The following DPP10 variants were observed in gnomAD, a reference collection of about 807,000 sequenced individuals.
DPP10 encodes the protein dipeptidyl peptidase like 10, also known as inactive dipeptidyl peptidase 10.
DPP10 carries 33 observed loss-of-function variants against 120.9 expected under a neutral mutation model. The ratio of observed to expected loss-of-function variants is 0.27; its 90% confidence interval spans 0.21 to 0.37. The LOEUF (loss-of-function observed/expected upper bound fraction) is 0.37, where lower values mean the gene tolerates loss of function less well. DPP10 is among the 10% of genes least tolerant of loss of function. The pLI is 1.00. For synonymous variants in DPP10, 337 were observed against 326.1 expected (o/e 1.03, Z -0.36); for missense variants, 816 against 942.8 (o/e 0.87, Z 1.76).
chr2:115,557,178 T>A (rs959798196), intron 5 of DPP10, among the ~76,000 whole-genome samples: 1 of 152,174 alleles, frequency 6.6e-6, no homozygotes. Context: ...TCTCTCTCTG[T>A]ACATACTGAA....
intron 1 of DPP10, among the ~76,000 whole-genome samples, chr2:115,206,598 G>T (rs994373019): frequency 7.2e-5 from 11 of 152,162 alleles, no homozygotes; most frequent in Non-Finnish European, 1.5e-4. Context: ...CATCTGAGAA[G>T]ATTTTTATTA....
At chr2:114,599,598 C>T (rs1692202565) in intron 1 of DPP10, among the ~76,000 whole-genome samples, 1 of 151,340 alleles carries the variant, frequency 6.6e-6, no homozygotes, top group Admixed American at 6.6e-5. Flanking sequence ...CTAAGTATAC[C>T]ATATTTTTTT....
chr2:115,645,281 A>G (rs569039540), intron 5 of DPP10, among the ~76,000 whole-genome samples: 6 of 152,306 alleles, frequency 3.9e-5, no homozygotes, highest in Non-Finnish European at 7.4e-5. Flanking sequence ...TCAGTTACCA[A>G]CATTGAATAT....
chr2:115,101,578 T>C (rs1212975434), intron 1 of DPP10, among the ~76,000 whole-genome samples: 1 of 152,190 alleles, frequency 6.6e-6, no homozygotes, highest in Non-Finnish European at 1.5e-5. Context: ...TCCTCACTAG[T>C]TTTCACTGAA....
intron 3 of DPP10, among the ~76,000 whole-genome samples, chr2:115,372,740 C>A (rs2065500397): frequency 6.6e-6 from 1 of 152,174 alleles, no homozygotes; most frequent in South Asian, 2.1e-4. Context: ...AAACACATAA[C>A]CATCACTGAA....
At chr2:114,933,945 A>G (rs1236902510) in intron 1 of DPP10, among the ~76,000 whole-genome samples, 1 of 152,216 alleles carries the variant, frequency 6.6e-6, no homozygotes, top group African/African-American at 2.4e-5. Context: ...AAGGAAATGT[A>G]ACACTGAACT....
chr2:114,632,371 T>C lies in DPP10; in HGVS notation c.60+189533T>C, dbSNP rs1267616410. Among the ~76,000 whole-genome samples, 4 of 152,106 alleles carry C rather than the reference T, an allele frequency of 2.6e-5. No individual in the cohort carries two copies. In the East Asian group the frequency reaches 7.7e-4, roughly 29 times the overall value. ...CTTAATAAATTACAATACTATGGAC[T>C]TGAAAAATGGTAATTTTATAAGTAC... On this transcript the variant is annotated intron_variant, in intron 1 of 25. Coordinates refer to ENST00000410059, the MANE Select transcript of DPP10 (RefSeq NM_020868.6).
intron 2 of DPP10, among the ~76,000 whole-genome samples, chr2:115,317,594 TC>T (rs1046298789): frequency 2.6e-5 from 4 of 152,128 alleles, no homozygotes; most frequent in South Asian, 2.1e-4. Flanking sequence ...ATTCATGTGT[TC>T]CAGTTTCTCC....
At chr2:114,482,534 G>C (rs1681153021) in intron 1 of DPP10, among the ~76,000 whole-genome samples, 1 of 152,120 alleles carries the variant, frequency 6.6e-6, no homozygotes, top group African/African-American at 2.4e-5. Flanking sequence ...GGGTGGTTCT[G>C]ATCTGGACCA....
chr2:115,115,303 T>A (rs2049443971), intron 1 of DPP10, among the ~76,000 whole-genome samples: 1 of 152,164 alleles, frequency 6.6e-6, no homozygotes, highest in East Asian at 1.9e-4. Flanking sequence ...TAGGCTTGCC[T>A]GGGCTTCTGT....
chr2:115,618,341 AG>A (rs2084686436), intron 5 of DPP10, among the ~76,000 whole-genome samples: 1 of 152,214 alleles, frequency 6.6e-6, no homozygotes. Flanking sequence ...TGGTTGCAAA[AG>A]TCATTAAGGC....
intron 1 of DPP10, among the ~76,000 whole-genome samples, chr2:114,664,884 C>G (rs1372497962): frequency 6.7e-6 from 1 of 150,204 alleles, no homozygotes; most frequent in East Asian, 2.0e-4. Context: ...CATAGAGCAT[C>G]CAAAAGATGG....
At chr2:114,730,327 A>G (rs1047894881) in intron 1 of DPP10, among the ~76,000 whole-genome samples, 16 of 152,238 alleles carry the variant, frequency 1.1e-4, no homozygotes, top group Admixed American at 1.0e-3. Context: ...AAATGAAAGA[A>G]CAAGACCACA....
chr2:115,748,700 T>A (rs1678327935), intron 10 of DPP10, among the ~76,000 whole-genome samples: 1 of 152,078 alleles, frequency 6.6e-6, no homozygotes, highest in South Asian at 2.1e-4. Context: ...ATAGAAAAAG[T>A]TCCCCAAGCT....
At chr2:115,516,578 T>G (rs1558785546) in intron 4 of DPP10, among the ~76,000 whole-genome samples, 1 of 150,214 alleles carries the variant, frequency 6.7e-6, no homozygotes, top group Non-Finnish European at 1.5e-5. Flanking sequence ...TTCTTTGTTT[T>G]TTTTTTTTTT....
chr2:115,222,642 A>G (rs1038105649), intron 1 of DPP10, among the ~76,000 whole-genome samples: 2 of 152,170 alleles, frequency 1.3e-5, no homozygotes, highest in Non-Finnish European at 2.9e-5. Flanking sequence ...TATCAGCAGC[A>G]TGAAAATGGA....
intron 1 of DPP10, among the ~76,000 whole-genome samples, chr2:114,957,968 T>G (rs1361510785): frequency 6.6e-6 from 1 of 152,076 alleles, no homozygotes; most frequent in African/African-American, 2.4e-5. Flanking sequence ...AAAGGGGAGA[T>G]GTAGATCAAA....
chr2:114,790,585 A>G (rs1015610041), intron 1 of DPP10, among the ~76,000 whole-genome samples: 26 of 151,976 alleles, frequency 1.7e-4, no homozygotes, highest in Non-Finnish European at 3.4e-4. Flanking sequence ...GCAAAGGGAG[A>G]TAAAGGTGGG....
intron 1 of DPP10, among the ~76,000 whole-genome samples, chr2:114,468,977 A>C (rs1397920124): frequency 6.6e-6 from 1 of 152,254 alleles, no homozygotes; most frequent in African/African-American, 2.4e-5. Context: ...AAGACAAATG[A>C]AAATGGGCTT....
Sources: allele counts gnomAD v4.1 joint callset (sites outside exome capture counted in the v4.1 genomes callset), GRCh38; gene constraint gnomAD v4.1.1; transcripts MANE v1.5; gene names NCBI Gene and HGNC (gene_info 2026-07-23, HGNC 2026-07-21).